IQCK: variants seen among roughly 807,000 people sequenced by gnomAD.
IQCK encodes the protein IQ motif containing K, also known as IQ domain-containing protein K.
A neutral mutation model predicts 28.1 loss-of-function variants in IQCK; 29 were observed. The ratio of observed to expected loss-of-function variants is 1.03; its 90% CI spans 0.77 to 1.41. The LOEUF is 1.41. IQCK is among the 40% of genes most tolerant of loss of function. IQCK has a pLI of 0.00. For synonymous variants in IQCK, 113 were observed against 115.1 expected, an observed-to-expected ratio of 0.98 and a Z score of 0.12; for missense variants, 359 against 314.7, an observed-to-expected ratio of 1.14 and a Z score of -1.07.
intron 1 of IQCK, among the ~76,000 whole-genome samples, chr16:19,724,233 C>T (rs1567531185): frequency 1.3e-5 from 2 of 152,174 alleles, no homozygotes; most frequent in Admixed American, 1.3e-4. Flanking sequence ...GGAAAGCCTT[C>T]TGTAATTCCT....
In IQCK at chr16:19,818,558, A is replaced by G. The variant is rs184047357; in HGVS notation, c.691-8468A>G. ...CAGACATGTACCACGATGCCCACCTAATTTTTGTATTATTAGTAGGGATGA... is the reference window on the plus strand; with the variant it reads ...CAGACATGTACCACGATGCCCACCTGATTTTTGTATTATTAGTAGGGATGA... On this transcript the variant is annotated intron_variant, in intron 7 of 7. Transcript: ENST00000564186. 1.8e-4 allele frequency among the ~76,000 whole-genome samples: 27 copies of G among 152,046 alleles called. 1 individual carries two copies. In the East Asian group the frequency reaches 4.8e-3, roughly 27 times the overall value.
At chr16:19,770,678 A>C (rs2055308470) in intron 6 of IQCK, among the ~76,000 whole-genome samples, 1 of 152,074 alleles carries the variant, frequency 6.6e-6, no homozygotes, top group South Asian at 2.1e-4. Flanking sequence ...GGTGGAGTGC[A>C]GTTGTGAAAT....
At chr16:19,719,056 T>G (rs1239513390) in intron 1 of IQCK, among the ~76,000 whole-genome samples, 1 of 152,206 alleles carries the variant, frequency 6.6e-6, no homozygotes, top group Non-Finnish European at 1.5e-5. Flanking sequence ...GTGGCTCTAC[T>G]CAGTATTTGT....
chr16:19,742,456 C>T (rs1468784947), intron 4 of IQCK, among the ~76,000 whole-genome samples: 2 of 151,814 alleles, frequency 1.3e-5, no homozygotes, highest in African/African-American at 4.9e-5. Context: ...GTGGAACTCC[C>T]CTTATCCTGA....
At chr16:19,805,476 G>A (rs2151742418) in intron 7 of IQCK, among the ~76,000 whole-genome samples, 1 of 152,322 alleles carries the variant, frequency 6.6e-6, no homozygotes, top group South Asian at 2.1e-4. Context: ...TGTTCTGGAT[G>A]CTAGGCAACC....
chr16:19,829,498 A>G (rs1428218632), downstream of IQCK, among the ~76,000 whole-genome samples: 7 of 151,944 alleles, frequency 4.6e-5, no homozygotes, highest in Non-Finnish European at 4.4e-5. Context: ...CACCATGCCC[A>G]GCTAATTTTC....
chr16:19,720,095 A>G (rs1977444060), intron 1 of IQCK, among the ~76,000 whole-genome samples: 2 of 152,148 alleles, frequency 1.3e-5, no homozygotes, highest in South Asian at 4.1e-4. Flanking sequence ...ATATGCGATG[A>G]CTCGAAAGAA....
At chr16:19,852,834 G>T (rs2056502030) in intron 9 of IQCK, among the ~76,000 whole-genome samples, 1 of 152,050 alleles carries the variant, frequency 6.6e-6, no homozygotes, top group South Asian at 2.1e-4. Context: ...GTGTTAGCCA[G>T]GATGGTCTTG....
At chr16:19,727,385 G>A (rs994932364) in intron 1 of IQCK, among the ~76,000 whole-genome samples, 2 of 151,936 alleles carry the variant, frequency 1.3e-5, no homozygotes, top group Non-Finnish European at 2.9e-5. Context: ...TTAGGAGTTC[G>A]AGACCAGCCT....
At chr16:19,780,928 A>G (rs1310008738) in intron 6 of IQCK, among the ~76,000 whole-genome samples, 2 of 152,166 alleles carry the variant, frequency 1.3e-5, no homozygotes, top group Middle Eastern at 3.2e-3. Flanking sequence ...CTGTAATCCT[A>G]TGTATTTACT....
intron 9 of IQCK, among the ~76,000 whole-genome samples, chr16:19,853,229 G>A (rs1258014727): frequency 1.3e-5 from 2 of 152,094 alleles, no homozygotes; most frequent in African/African-American, 2.4e-5. Context: ...ATTGTGTAGG[G>A]TGTTCAGAAA....
intron 2 of IQCK, among the ~76,000 whole-genome samples, chr16:19,732,035 G>A (rs1379537623): frequency 6.6e-6 from 1 of 152,214 alleles, no homozygotes; most frequent in Non-Finnish European, 1.5e-5. Flanking sequence ...CCAAGGGCAG[G>A]AGAAGAAGGG....
intron 7 of IQCK, among the ~76,000 whole-genome samples, chr16:19,822,794 A>T (rs993876143): frequency 6.6e-6 from 1 of 152,214 alleles, no homozygotes; most frequent in African/African-American, 2.4e-5. Context: ...TTGTAAGTGT[A>T]CTTAATGCTA....
chr16:19,741,331 T>C (rs1313491537), intron 4 of IQCK, among the ~76,000 whole-genome samples: 1 of 152,180 alleles, frequency 6.6e-6, no homozygotes, highest in Non-Finnish European at 1.5e-5. Flanking sequence ...TTCTAATTTA[T>C]ACCCTTTCAG....
chr16:19,760,756 GTCCGTAA>G (rs2055126844), intron 4 of IQCK, among the ~76,000 whole-genome samples: 1 of 152,244 alleles, frequency 6.6e-6, no homozygotes, highest in Non-Finnish European at 1.5e-5. Context: ...TTCAGGGCAA[GTCCGTAA>G]AGTGAAAGCA....
intron 7 of IQCK, among the ~76,000 whole-genome samples, chr16:19,826,257 C>T (rs2056147645): frequency 6.6e-6 from 1 of 152,152 alleles, no homozygotes; most frequent in Non-Finnish European, 1.5e-5. Flanking sequence ...ATCCTCCTGC[C>T]TTGGCCTCTC....
At chr16:19,747,513 T>C (rs895856140) in intron 4 of IQCK, among the ~76,000 whole-genome samples, 7 of 151,344 alleles carry the variant, frequency 4.6e-5, no homozygotes, top group African/African-American at 1.7e-4. Flanking sequence ...TTTAAGTAAA[T>C]GTGTGGGGTT....
At chr16:19,842,881 A>G (rs937211144) in intron 9 of IQCK, among the ~76,000 whole-genome samples, 2 of 152,204 alleles carry the variant, frequency 1.3e-5, no homozygotes, top group Non-Finnish European at 2.9e-5. Context: ...TTCCTTGCTT[A>G]TAACACAGAC....
intron 6 of IQCK, among the ~76,000 whole-genome samples, chr16:19,771,325 C>G (rs1008206422): frequency 1.3e-5 from 2 of 152,170 alleles, no homozygotes; most frequent in Admixed American, 1.3e-4. Flanking sequence ...CTCCTGAGCT[C>G]AAGCAATCTG....
Sources: allele counts gnomAD v4.1 joint callset (sites outside exome capture counted in the v4.1 genomes callset), GRCh38; gene constraint gnomAD v4.1.1; transcripts MANE v1.5; gene names NCBI Gene and HGNC (gene_info 2026-07-23, HGNC 2026-07-21).